Variants in RHBDF1 observed in about 807,000 individuals in gnomAD.
RHBDF1 encodes inactive rhomboid protein 1.
Under a neutral mutation model 98.6 loss-of-function variants are expected in RHBDF1, and 80 were observed. The observed-to-expected ratio is 0.81, with a 90% CI of 0.68 to 0.98. The LOEUF (loss-of-function observed/expected upper bound fraction) is 0.98. RHBDF1 is among the 50% of genes least tolerant of loss of function. The pLI, the probability that RHBDF1 is intolerant of heterozygous loss-of-function variation, is 0.00. For missense variants in RHBDF1, 1,116 were observed against 1,198.3 expected, an observed-to-expected ratio of 0.93 and a Z score of 1.01; for synonymous variants, 512 against 486.8, an observed-to-expected ratio of 1.05 and a Z score of -0.68.
In RHBDF1 at chr16:58,372, C is replaced by A; in HGVS notation, c.2536G>T (p.Glu846Ter). The change falls in exon 18 of 18, where the codon GAG (glutamate) becomes TAG (stop). Residue 846 changes from glutamate to a stop codon, truncating the protein, a stop_gained. Transcript: ENST00000262316. LOFTEE classifies it high-confidence loss of function. ...AGCTGAGCGTCCAGTTCGTACTTCT[C>A]ACAGAACTTGTCAGTGAAGGGGATG... is the stretch of plus-strand genomic sequence containing the variant. ...TCIPFTDKFC[E>*]KYELDAQLH 6.2e-7 allele frequency: 1 copy of A among 1,613,598 alleles called. No homozygotes were observed. Among genetic ancestry groups the A allele is most frequent in the Non-Finnish European group, 8.5e-7 (1 of 1,179,972 alleles).
intron 9 of RHBDF1, 26 bp downstream of exon 9, chr16:61,559 G>A (rs747378595): frequency 2.5e-6 from 4 of 1,612,056 alleles, no homozygotes; most frequent in Non-Finnish European, 3.4e-6. Context: ...CACTCGTCTG[G>A]GCCCAGGGAA....
At chr16:65,894 C>CG (rs1897816559) in intron 1 of RHBDF1, among the ~76,000 whole-genome samples, 1 of 152,256 alleles carries the variant, frequency 6.6e-6, no homozygotes, top group African/African-American at 2.4e-5. Context: ...GGCTCGGTGC[C>CG]GGGGCTGCGG....
chr16:62,447 G>A lies in RHBDF1; in HGVS notation c.953+91C>T, dbSNP rs1301797165. The A allele has an allele frequency of 1.9e-5, 29 of 1,498,356 alleles. No homozygotes were observed. In the Admixed American group the frequency reaches 2.5e-4, roughly 13 times the overall value. 92.8% of individuals were successfully genotyped at this position (1,498,356 alleles called of 1,614,324 possible). A position where few individuals can be genotyped will look rare whatever the true frequency, so the allele number is the denominator to read the frequency against. ...AGTCCCTGAGGCTACCCCTTCCATC[G>A]CCCACAGAGGTGAATGCCGATACTC... On this transcript the variant is annotated intron_variant, in intron 7 of 17. Coordinates refer to ENST00000262316, the MANE Select transcript of RHBDF1 (RefSeq NM_022450.5).
rs572384728 is a variant in RHBDF1, at chr16:63,736, T to C, written c.313A>G (p.Ser105Gly). The C allele has an allele frequency of 7.4e-6, 12 of 1,613,760 alleles. No individual in the cohort carries two copies. The East Asian group carries it at 2.2e-4, about 30-fold the overall frequency. The change falls in exon 4 of 18, where the codon AGC becomes GGC. Residue 105 changes from serine to glycine, a missense_variant. Transcript: ENST00000262316. ...TAGCGCTGGCTGCAGTGACGGATGC[T>C]CTTGCGCTGCCATTTCTGGGTGCTG... ...SDSTQKWQRK[S>G]IRHCSQRYGK... is the part of the protein sequence containing the mutation.
chr16:62,348 G>A (rs1897665029), intron 7 of RHBDF1, 190 bp downstream of exon 7: 2 of 819,216 alleles, frequency 2.4e-6, no homozygotes, highest in African/African-American at 3.5e-5. Flanking sequence ...CATTCCACAG[G>A]CAAGCCATGA....
At chr16:60,088 G>A (rs556604219) in intron 13 of RHBDF1, 128 bp downstream of exon 13, 1 of 1,542,646 alleles carries the variant, frequency 6.5e-7, no homozygotes, top group Non-Finnish European at 8.7e-7. Flanking sequence ...CAAAGGGCAG[G>A]TGCACAGCCT....
At position 60,460 on chromosome 16, in the gene RHBDF1, G is replaced by C; in HGVS notation, c.1637C>G (p.Ser546Cys). 1 of 1,612,280 alleles carries C rather than the reference G, an allele frequency of 6.2e-7. No homozygotes were observed. The highest frequency in any genetic ancestry group is 8.5e-7 in the Non-Finnish European group (1 of 1,179,998). Residue 546 changes from serine to cysteine, a missense_variant, in exon 12 of 18, where the codon TCT becomes TGT. Coordinates refer to ENST00000262316, the MANE Select transcript of RHBDF1 (RefSeq NM_022450.5). The part of the protein sequence containing the change: ...ELAGHKRQFG[S>C]VCHQDPRVCD... ...TAACCTGGGATCCTGGTGGCAGACAGAGCCAAACTGTCTCTTGTGGCCCGC... is the reference window on the plus strand; with the variant it reads ...TAACCTGGGATCCTGGTGGCAGACACAGCCAAACTGTCTCTTGTGGCCCGC...
Position 59,277 on chromosome 16 carries a change from G to T in RHBDF1, c.1966C>A (p.Leu656Met). The T allele has an allele frequency of 1.9e-6, 3 of 1,609,244 alleles. No homozygotes were observed. Among genetic ancestry groups the T allele is most frequent in the Non-Finnish European group, 2.5e-6 (3 of 1,177,268 alleles). The change falls in exon 16 of 18, where the codon CTG becomes ATG. Residue 656 changes from leucine (L) to methionine (M), a missense_variant. Leu to Met is a conservative substitution (Grantham distance 15). Coordinates refer to ENST00000262316, the MANE Select transcript of RHBDF1 (RefSeq NM_022450.5). ...GCGTGCAGGAAGAGGGATAGCCACA[G>T]GCGGTAGAACTGGTCAGGCACCTCG... ...NPEVPDQFYRLWLSLFLHAGI... is the reference protein window; with the variant it reads ...NPEVPDQFYRMWLSLFLHAGI...
rs1400173569 is a variant in RHBDF1, at chr16:62,313, C to G, written c.953+225G>C. On this transcript the variant is annotated intron_variant, in intron 7 of 17. Coordinates refer to ENST00000262316, the MANE Select transcript of RHBDF1 (RefSeq NM_022450.5). ...CGCCTCCCCGTTGGATTCTGCCCAG[C>G]CCCTGGGTTCTAAGATTGCTGTCCC... 1.5e-5 allele frequency: 11 copies of G among 737,184 alleles called. No homozygotes were observed. In the East Asian group the frequency reaches 2.5e-4, roughly 16 times the overall value. The allele number at this position is 737,184 out of a possible 1,614,324, so 45.7% of individuals were successfully genotyped here.
At chr16:71,184 G>C (rs894456043) in intron 1 of RHBDF1, among the ~76,000 whole-genome samples, 9 of 152,186 alleles carry the variant, frequency 5.9e-5, no homozygotes, top group African/African-American at 1.4e-4. Context: ...CAGCTCATGA[G>C]GGGTGCTGGT....
intron 1 of RHBDF1, among the ~76,000 whole-genome samples, chr16:68,477 G>A (rs578086671): frequency 6.6e-6 from 1 of 152,210 alleles, no homozygotes; most frequent in South Asian, 2.1e-4. Context: ...CCCTCGGGGG[G>A]ATCCAAACAG....
chr16:68,023 G>C (rs914119546), intron 1 of RHBDF1, among the ~76,000 whole-genome samples: 1 of 152,066 alleles, frequency 6.6e-6, no homozygotes, highest in Non-Finnish European at 1.5e-5. Flanking sequence ...GTCTCAGCCG[G>C]GGACCACAGT....
In RHBDF1 at chr16:68,713, G is replaced by A. The variant is rs565970326; in HGVS notation, c.-24-3674C>T. Among the ~76,000 whole-genome samples, 20 of 152,352 alleles carry A rather than the reference G, an allele frequency of 1.3e-4. 1 individual carries two copies. The East Asian group carries it at 3.7e-3, about 28-fold the overall frequency. On this transcript the variant is annotated intron_variant, in intron 1 of 17. Transcript: ENST00000262316. ...AGGCTGAGGGACGAGGAGGGTCAAG[G>A]GAGCCACTGGCGCCATGCATGCTGA...
At position 67,333 on chromosome 16, in the gene RHBDF1, G is replaced by A. The variant is rs141676758; in HGVS notation, c.-24-2294C>T. On this transcript the variant is annotated intron_variant, in intron 1 of 17. Coordinates refer to ENST00000262316, the MANE Select transcript of RHBDF1 (RefSeq NM_022450.5). ...GGGCCAGAGAGGAGCAGGGCCCAGCGTAGAGACTGGGGCCACTGCCAGGAA... is the reference window on the plus strand; with the variant it reads ...GGGCCAGAGAGGAGCAGGGCCCAGCATAGAGACTGGGGCCACTGCCAGGAA... 4.3e-3 allele frequency among the ~76,000 whole-genome samples: 653 copies of A among 152,330 alleles called. 6 individuals are homozygous for A. The highest frequency in any genetic ancestry group is 0.014 in the African/African-American group (602 of 41,568).
chr16:69,782 T>C (rs541508363), intron 1 of RHBDF1, among the ~76,000 whole-genome samples: 74 of 152,212 alleles, frequency 4.9e-4, no homozygotes, highest in African/African-American at 1.7e-3. Flanking sequence ...AGAAATGAGG[T>C]TCAGGGTGGA....
At chr16:60,657 C>T (rs1452061542) in intron 11 of RHBDF1, 118 bp from the exon 12 acceptor site, 7 of 686,270 alleles carry the variant, frequency 1.0e-5, no homozygotes, top group Non-Finnish European at 1.8e-5. Context: ...ACAAGTCACC[C>T]CCACTCTTGA....
In RHBDF1 at chr16:61,810, A is replaced by G. The variant is rs1897637841; in HGVS notation, c.1196T>C (p.Met399Thr). The change falls in exon 8 of 18, where the codon ATG (methionine) becomes ACG (threonine). Residue 399 changes from methionine to threonine, a missense_variant. Coordinates refer to ENST00000262316, the MANE Select transcript of RHBDF1 (RefSeq NM_022450.5). ...CTGCCACGCCTACCTGTGGTCGTCC[A>G]TGTCCTCGATCTGGCGCTTGACGAA... Reference protein sequence around the residue: ...DSFVKRQIEDMDDHRPFFTYW... With the variant: ...DSFVKRQIEDTDDHRPFFTYW... The G allele has an allele frequency of 6.2e-7, 1 of 1,612,502 alleles. No individual in the cohort carries two copies. The highest frequency in any genetic ancestry group is 8.5e-7 in the Non-Finnish European group (1 of 1,179,640).
At position 67,923 on chromosome 16, in the gene RHBDF1, C is replaced by T. The variant is rs147463801; in HGVS notation, c.-24-2884G>A. ...GGAACAGTCAGGGGGTGAGAAGAGCCGAGAGCTGTGAGCGTGTACGGGGAA... is the reference window on the plus strand; with the variant it reads ...GGAACAGTCAGGGGGTGAGAAGAGCTGAGAGCTGTGAGCGTGTACGGGGAA... On this transcript the variant is annotated intron_variant, in intron 1 of 17. Coordinates refer to ENST00000262316, the MANE Select transcript of RHBDF1 (RefSeq NM_022450.5). Among the ~76,000 whole-genome samples the T allele has an allele frequency of 6.3e-3, 961 of 152,170 alleles. 13 individuals carry two copies. Among genetic ancestry groups the T allele is most frequent in the African/African-American group, 0.022 (919 of 41,498 alleles).
intron 4 of RHBDF1, 104 bp downstream of exon 4, chr16:63,483 T>G: frequency 9.6e-7 from 1 of 1,037,322 alleles, no homozygotes; most frequent in Non-Finnish European, 1.4e-6. Context: ...TTCCAGACTG[T>G]GAGCTCCCAG....
Sources: gnomAD v4.1 joint callset for allele counts (sites outside exome capture counted in the v4.1 genomes callset) on GRCh38, gnomAD v4.1.1 for gene constraint, MANE v1.5 for transcripts, NCBI Gene and HGNC (gene_info 2026-07-23, HGNC 2026-07-21) for gene names.